The following ALG12 variants were observed in gnomAD, a reference collection of about 807,000 sequenced individuals.
The protein encoded by ALG12 is dol-P-Man:Man(7)GlcNAc(2)-PP-Dol alpha-1,6-mannosyltransferase.
ALG12 carries 36 observed loss-of-function variants against 46.0 expected under a neutral mutation model. The observed-to-expected ratio is 0.78, with a 90% CI of 0.60 to 1.03. ALG12 has a LOEUF of 1.03. Ranked by LOEUF, ALG12 falls within the 50% of genes least tolerant of loss-of-function variation. ALG12 has a pLI of 0.00. For missense variants in ALG12, 599 were observed against 633.5 expected (o/e 0.95, Z 0.58); for synonymous variants, 326 against 291.6 (o/e 1.12, Z -1.20).
the ALG12 span, among the ~76,000 whole-genome samples, chr22:49,874,993 T>C: frequency 6.6e-6 from 1 of 152,172 alleles, no homozygotes; most frequent in South Asian, 2.1e-4. Context: ...TGTTTTAATT[T>C]TTTGACTATT....
Position 49,913,678 on chromosome 22 carries a change from A to G in ALG12, c.88T>C (p.Tyr30His). 1.2e-6 allele frequency: 2 copies of G among 1,614,130 alleles called. No homozygotes were observed. The highest frequency in any genetic ancestry group is 1.3e-5 in the African/African-American group (1 of 75,054). ...TTGAAGCTCTCCTCCACTTTGGTGTAGGGACAGATGACCAGGTGGACAGTG... is the reference window on the plus strand; with the variant it reads ...TTGAAGCTCTCCTCCACTTTGGTGTGGGGACAGATGACCAGGTGGACAGTG... ...VATVHLVICP[Y>H]TKVEESFNLQ... The change falls in exon 2 of 10, where the codon TAC (tyrosine) becomes CAC (histidine). Residue 30 changes from tyrosine to histidine, a missense_variant. Coordinates refer to ENST00000330817, the MANE Select transcript of ALG12 (RefSeq NM_024105.4).
the ALG12 span, among the ~76,000 whole-genome samples, chr22:49,869,008 G>A: frequency 6.7e-6 from 1 of 150,368 alleles, no homozygotes; most frequent in Non-Finnish European, 1.5e-5. Flanking sequence ...CCTGTAATCC[G>A]AGCTGCTTGT....
chr22:49,860,183 C>T, the ALG12 span, among the ~76,000 whole-genome samples: 1 of 152,242 alleles, frequency 6.6e-6, no homozygotes, highest in Non-Finnish European at 1.5e-5. Flanking sequence ...CCTGGAGTTC[C>T]AGCTACTCAG....
Position 49,900,396 on chromosome 22 carries a change from C to CT in ALG12, c.*3441dup, listed in dbSNP as rs540565592. On this transcript the variant is annotated 3_prime_UTR_variant, in exon 10 of 10. Coordinates refer to ENST00000330817, the MANE Select transcript of ALG12 (RefSeq NM_024105.4). ...AGAAGGATGGTCACACTCTACAAAC[C>CT]TAACAGGATGGGGGTGTGGGGTATG... 19 of 152,230 alleles carry CT rather than the reference C, an allele frequency of 1.2e-4. No homozygotes were observed. Among genetic ancestry groups the CT allele is most frequent in the African/African-American group, 3.6e-4 (15 of 41,516 alleles). 9.4% of individuals were successfully genotyped at this position (152,230 alleles called of 1,614,324 possible).
rs779065174 is a variant in ALG12, at chr22:49,909,234, T to G, written c.768+10A>C. 1.1e-4 allele frequency: 175 copies of G among 1,614,008 alleles called. No individual in the cohort carries two copies. Among genetic ancestry groups the G allele is most frequent in the Non-Finnish European group, 1.4e-4 (166 of 1,179,962 alleles). ...ACCCATCGCCCTCCTGCACGGACAC[T>G]GAAGGATACCCCCCAGTTGGAGCTT... On this transcript the variant is annotated intron_variant, in intron 6 of 9. Coordinates refer to ENST00000330817, the MANE Select transcript of ALG12 (RefSeq NM_024105.4).
the ALG12 span, among the ~76,000 whole-genome samples, chr22:49,876,320 G>T: frequency 2.0e-5 from 3 of 152,194 alleles, no homozygotes; most frequent in East Asian, 5.8e-4. Context: ...TGAATCTTCC[G>T]TGTCTTTACT....
the ALG12 span, among the ~76,000 whole-genome samples, chr22:49,866,050 G>A: frequency 6.6e-6 from 1 of 151,842 alleles, no homozygotes; most frequent in East Asian, 1.9e-4. Context: ...GTTATTCTAT[G>A]GTCTTCTAGG....
At chr22:49,869,615 T>G in the ALG12 span, among the ~76,000 whole-genome samples, 1 of 152,228 alleles carries the variant, frequency 6.6e-6, no homozygotes, top group African/African-American at 2.4e-5. Context: ...ATTGTTTCTC[T>G]TAAAAAGTCA....
At position 49,903,796 on chromosome 22, in the gene ALG12, C is replaced by T. The variant is rs143461758; in HGVS notation, c.*42G>A. On this transcript the variant is annotated 3_prime_UTR_variant, in exon 10 of 10. Transcript: ENST00000330817. The stretch of plus-strand genomic sequence containing the variant: ...TGCCAGAAACTGGTAGTGATAACAG[C>T]TCCTGGAAGGCCTGTGGCTGCTGAG... 1.5e-4 allele frequency: 242 copies of T among 1,596,894 alleles called. No homozygotes were observed. The African/African-American group carries it at 2.6e-3, about 17-fold the overall frequency.
chr22:49,874,672 C>CCTTTTTT, the ALG12 span, among the ~76,000 whole-genome samples: 5 of 37,314 alleles, frequency 1.3e-4, 1 homozygote, highest in African/African-American at 5.5e-4. Flanking sequence ...CATGCCCAGC[C>CCTTTTTT]TTTTTTTTTT....
At chr22:49,904,965 C>G (rs974530572) in intron 7 of ALG12, among the ~76,000 whole-genome samples, 1 of 152,076 alleles carries the variant, frequency 6.6e-6, no homozygotes, top group African/African-American at 2.4e-5. Flanking sequence ...GTCTTGAACT[C>G]CTGACCTCGT....
chr22:49,883,873 C>T, the ALG12 span: 65 of 1,606,274 alleles, frequency 4.0e-5, no homozygotes, highest in Middle Eastern at 6.7e-4. Context: ...CTGCAAGCCC[C>T]CGGGGAAGTA....
intron 1 of ALG12, among the ~76,000 whole-genome samples, chr22:49,916,719 C>T (rs2060611508): frequency 6.6e-6 from 1 of 152,258 alleles, no homozygotes; most frequent in Non-Finnish European, 1.5e-5. Flanking sequence ...AGGAAGCTGA[C>T]ATGGGGGGTA....
chr22:49,892,508 G>A, the ALG12 span, among the ~76,000 whole-genome samples: 5 of 152,212 alleles, frequency 3.3e-5, no homozygotes, highest in Non-Finnish European at 5.9e-5. Context: ...GCCTATTCCT[G>A]GTTGCTGCTT....
intron 1 of ALG12, among the ~76,000 whole-genome samples, chr22:49,916,608 A>C (rs952250812): frequency 2.0e-5 from 3 of 152,118 alleles, no homozygotes; most frequent in Non-Finnish European, 4.4e-5. Flanking sequence ...AGCAAGCCGG[A>C]TGTGTTGGCT....
Position 49,910,236 on chromosome 22 carries a change from A to T in ALG12, c.470-148T>A, listed in dbSNP as rs529195304. The T allele has an allele frequency of 6.6e-5, 79 of 1,193,512 alleles. No individual in the cohort carries two copies. The African/African-American group carries it at 1.0e-3, about 16-fold the overall frequency. 73.9% of individuals were successfully genotyped at this position (1,193,512 alleles called of 1,614,324 possible). A position where few individuals can be genotyped will look rare whatever the true frequency, so the allele number is the denominator to read the frequency against. The stretch of plus-strand genomic sequence containing the variant: ...GAAACTGCTCAGAGCCGCTCCCCGC[A>T]CCTATGCTGTTGGCCAGGAAGTGTG... On this transcript the variant is annotated intron_variant, in intron 4 of 9. Transcript: ENST00000330817.
the ALG12 span, among the ~76,000 whole-genome samples, chr22:49,891,186 G>C: frequency 6.6e-6 from 1 of 152,154 alleles, no homozygotes. Flanking sequence ...CTTTGATTGT[G>C]GTTTGTCTTC....
the ALG12 span, chr22:49,888,582 A>C: frequency 4.2e-4 from 71 of 167,276 alleles, no homozygotes; most frequent in African/African-American, 1.7e-3. Context: ...GGAAGTGGAG[A>C]TGTAATTCTT....
the ALG12 span, among the ~76,000 whole-genome samples, chr22:49,891,653 G>C: frequency 6.6e-6 from 1 of 152,018 alleles, no homozygotes. Flanking sequence ...GCTTGTTTTT[G>C]CTTCAGTTTT....
Sources: allele counts gnomAD v4.1 joint callset (sites outside exome capture counted in the v4.1 genomes callset), GRCh38; gene constraint gnomAD v4.1.1; transcripts MANE v1.5; gene names NCBI Gene and HGNC (gene_info 2026-07-23, HGNC 2026-07-21).